PC: variants seen among roughly 807,000 people sequenced by gnomAD.
The protein encoded by PC is pyruvate carboxylase.
PC carries 46 observed loss-of-function variants against 107.8 expected under a neutral mutation model. That is an observed-to-expected ratio of 0.43 (90% CI 0.34 to 0.55). The LOEUF is 0.55. PC is among the 20% of genes least tolerant of loss of function. The probability of loss-of-function intolerance (pLI) is 0.04; values close to 1 mark genes in which losing one functional copy is unlikely to be tolerated. For synonymous variants in PC, 662 were observed against 684.7 expected (o/e 0.97, Z 0.52); for missense variants, 1,241 against 1,643.1 (o/e 0.76, Z 4.23).
chr11:66,863,659 A>T, intron 12 of PC, 115 bp downstream of exon 12: 1 of 1,104,068 alleles, frequency 9.1e-7, no homozygotes, highest in Non-Finnish European at 1.3e-6. Context: ...TCGACCCATC[A>T]GTCAGGGGCA....
At chr11:66,928,950 T>C (rs1009901384) in intron 3 of PC, among the ~76,000 whole-genome samples, 4 of 152,178 alleles carry the variant, frequency 2.6e-5, no homozygotes, top group Non-Finnish European at 5.9e-5. Context: ...GGGTCTAAAA[T>C]AGGGTCATAC....
intron 3 of PC, among the ~76,000 whole-genome samples, chr11:66,900,796 C>T (rs566299855): frequency 1.3e-5 from 2 of 151,938 alleles, no homozygotes; most frequent in Non-Finnish European, 2.9e-5. Context: ...TCAATTTGCC[C>T]ACTGCTACTG....
At chr11:66,903,419 C>T (rs971486646) in intron 3 of PC, among the ~76,000 whole-genome samples, 17 of 152,004 alleles carry the variant, frequency 1.1e-4, no homozygotes, top group Non-Finnish European at 2.4e-4. Flanking sequence ...CTCATCCCTA[C>T]GGACTATAAT....
intron 12 of PC, chr11:66,859,156 C>T (rs1293673494): frequency 6.8e-7 from 1 of 1,462,190 alleles, no homozygotes; most frequent in Non-Finnish European, 9.0e-7. Flanking sequence ...CTCTGCTCCC[C>T]ACAAGGCTTT....
intron 3 of PC, among the ~76,000 whole-genome samples, chr11:66,894,622 CA>C (rs1388208247): frequency 6.6e-6 from 1 of 152,224 alleles, no homozygotes. Context: ...TCCCACCATC[CA>C]CCAGGAATCC....
Position 66,944,679 on chromosome 11 carries a change from T to C in PC, c.-1+7751A>G, listed in dbSNP as rs1949244001. ...TAGCAGCCCAAAGGGATGAAGACAA[T>C]GTATTTTGCCACAATTTTTTAAAAT... On this transcript the variant is annotated intron_variant, in intron 3 of 22. Coordinates refer to ENST00000393960, the MANE Select transcript of PC (RefSeq NM_001040716.2). Among the ~76,000 whole-genome samples, 2 of 117,842 alleles carry C rather than the reference T, an allele frequency of 1.7e-5. 1 individual carries two copies. The highest frequency in any genetic ancestry group is 6.1e-5 in the African/African-American group (2 of 32,876). The allele number at this position is 117,842 out of a possible 152,430, so 77.3% of individuals were successfully genotyped here.
chr11:66,889,009 G>A lies in PC; in HGVS notation c.1-16850C>T, dbSNP rs144150507. Among the ~76,000 whole-genome samples, 223 of 152,316 alleles carry A rather than the reference G, an allele frequency of 1.5e-3. 5 individuals carry two copies. In the East Asian group the frequency reaches 0.04, roughly 27 times the overall value. On this transcript the variant is annotated intron_variant, in intron 3 of 22. Transcript: ENST00000393960. ...GAATCGCTTGAACCCAGGAGGCGGA[G>A]GTTGCTGTGAGCCGAGATCGCGACA...
At chr11:66,921,403 C>T (rs1218695982) in intron 3 of PC, among the ~76,000 whole-genome samples, 1 of 152,108 alleles carries the variant, frequency 6.6e-6, no homozygotes, top group Non-Finnish European at 1.5e-5. Flanking sequence ...AGCAAAGAAC[C>T]CTGCTTCCTC....
chr11:66,868,949 C>G lies in PC; in HGVS notation c.919G>C (p.Ala307Pro). 1 of 1,613,776 alleles carries G rather than the reference C, an allele frequency of 6.2e-7. No homozygotes were observed. The highest frequency in any genetic ancestry group is 1.1e-5 in the South Asian group (1 of 91,080). The change falls in exon 10 of 23, where the codon GCA (alanine) becomes CCA (proline). Residue 307 changes from alanine (A) to proline (P), a missense_variant. By Grantham distance (27) the Ala-to-Pro change is conservative. Transcript: ENST00000393960. ...TCCACCAGGAACTCCACGGTGCCTG[C>G]GTTCTCGTAGCCCACCTGTGGGGGC... ...KLAKQVGYENAGTVEFLVDRH... is the reference protein window; with the variant it reads ...KLAKQVGYENPGTVEFLVDRH...
intron 12 of PC, among the ~76,000 whole-genome samples, chr11:66,861,895 G>C (rs1056854028): frequency 6.6e-6 from 1 of 152,144 alleles, no homozygotes; most frequent in Non-Finnish European, 1.5e-5. Context: ...GCCCTCCAGG[G>C]TGCAGAAGCC....
chr11:66,857,100 C>T lies in PC; in HGVS notation c.1369-3717G>A, dbSNP rs1945901075. ...CCCGCTCGCCTGTCGCCGCCGCCACCGCTAACCGCGCCGGGAAAAGGTGCC... is the reference window on the plus strand; with the variant it reads ...CCCGCTCGCCTGTCGCCGCCGCCACTGCTAACCGCGCCGGGAAAAGGTGCC... On this transcript the variant is annotated intron_variant, in intron 12 of 22. Transcript: ENST00000393960. The surrounding 1 kb of genome is among the most constrained non-coding windows in gnomAD (Gnocchi z 7.1). 6.8e-6 allele frequency: 1 copy of T among 147,762 alleles called. No individual in the cohort carries two copies. Among genetic ancestry groups the T allele is most frequent in the African/African-American group, 2.4e-5 (1 of 41,076 alleles). 9.2% of individuals were successfully genotyped at this position (147,762 alleles called of 1,614,324 possible). A position where few individuals can be genotyped will look rare whatever the true frequency, so the allele number is the denominator to read the frequency against.
At chr11:66,956,462 G>A (rs1397321065) in intron 1 of PC, among the ~76,000 whole-genome samples, 1 of 152,142 alleles carries the variant, frequency 6.6e-6, no homozygotes, top group East Asian at 1.9e-4. Flanking sequence ...GCATGCGCCT[G>A]TAATCCCAGC....
intron 3 of PC, among the ~76,000 whole-genome samples, chr11:66,908,855 C>T (rs1424297828): frequency 2.0e-5 from 3 of 152,118 alleles, no homozygotes; most frequent in Non-Finnish European, 2.9e-5. Flanking sequence ...GTGGAGGGAT[C>T]CTGCACATTC....
chr11:66,860,440 G>A lies in PC; in HGVS notation c.1368+3334C>T, dbSNP rs567241911. 63 of 705,852 alleles carry A rather than the reference G, an allele frequency of 8.9e-5. 1 individual carries two copies. In the South Asian group the frequency reaches 9.2e-4, roughly 10 times the overall value. 43.7% of individuals were successfully genotyped at this position (705,852 alleles called of 1,614,324 possible). A position where few individuals can be genotyped will look rare whatever the true frequency, so the allele number is the denominator to read the frequency against. On this transcript the variant is annotated intron_variant, in intron 12 of 22. Coordinates refer to ENST00000393960, the MANE Select transcript of PC (RefSeq NM_001040716.2). ...GCTGCAGCCACCCACTGGGAGTCTT[G>A]TTTTTATTTATAATAAAATTGTTGG...
At position 66,947,942 on chromosome 11, in the gene PC, G is replaced by A. The variant is rs191687862; in HGVS notation, c.-1+4488C>T. Among the ~76,000 whole-genome samples the A allele has an allele frequency of 5.8e-4, 86 of 147,190 alleles. No homozygotes were observed. The Middle Eastern group carries it at 0.014, about 25-fold the overall frequency. On this transcript the variant is annotated intron_variant, in intron 3 of 22. Transcript: ENST00000393960. The stretch of plus-strand genomic sequence containing the variant: ...CATGCCACTGCACTCCAGCCTGGGC[G>A]ACAGAGTGAGATTCCGTCTCAAAAA...
chr11:66,917,416 G>C (rs1279397361), intron 3 of PC, among the ~76,000 whole-genome samples: 1 of 152,016 alleles, frequency 6.6e-6, no homozygotes, highest in African/African-American at 2.4e-5. Flanking sequence ...TTATCAGAAG[G>C]GTCTATGCAA....
At chr11:66,950,908 G>C (rs1949419696) in intron 3 of PC, among the ~76,000 whole-genome samples, 1 of 151,968 alleles carries the variant, frequency 6.6e-6, no homozygotes, top group Non-Finnish European at 1.5e-5. Context: ...TCCAACTCTA[G>C]CAGCCAAGAA....
At chr11:66,860,574 G>T in intron 12 of PC, 1 of 701,418 alleles carries the variant, frequency 1.4e-6, no homozygotes, top group South Asian at 1.5e-5. Context: ...TACCAGGGCC[G>T]GTGGGGGCAG....
intron 3 of PC, among the ~76,000 whole-genome samples, chr11:66,903,769 A>AT (rs1229329589): frequency 0.017 from 1,486 of 86,162 alleles, 5 homozygotes; most frequent in South Asian, 0.029. Flanking sequence ...AAAAAAAAAA[A>AT]AAAAATATAT....
Sources: allele counts gnomAD v4.1 joint callset (sites outside exome capture counted in the v4.1 genomes callset), GRCh38; gene constraint gnomAD v4.1.1; non-coding constraint Gnocchi (gnomAD v3.1); transcripts MANE v1.5; gene names NCBI Gene and HGNC (gene_info 2026-07-23, HGNC 2026-07-21).